The following EVC variants were observed in gnomAD, a reference collection of about 807,000 sequenced individuals.
EVC encodes EvC ciliary complex subunit 1.
Under a neutral mutation model 118.9 loss-of-function variants are expected in EVC, and 116 were observed. The observed-to-expected ratio is 0.98, with a 90% confidence interval of 0.84 to 1.14. EVC has a LOEUF of 1.14. EVC is among the 50% of genes most tolerant of loss of function. The probability of loss-of-function intolerance (pLI) is 0.00; values close to 1 mark genes in which losing one functional copy is unlikely to be tolerated. For synonymous variants in EVC, 619 were observed against 534.7 expected (o/e 1.16, Z -2.18); for missense variants, 1,401 against 1,246.4 (o/e 1.12, Z -1.87).
chr4:5,764,328 A>T (rs1462338396), intron 11 of EVC, among the ~76,000 whole-genome samples: 2 of 136,954 alleles, frequency 1.5e-5, no homozygotes, highest in East Asian at 2.2e-4. Context: ...GGATTTTTGC[A>T]TCAATGTTCA....
rs937783118 is a variant in EVC, at chr4:5,793,591, C to G, written c.1777-17C>G. 2.6e-6 allele frequency: 4 copies of G among 1,548,110 alleles called. No individual in the cohort carries two copies. The highest frequency in any genetic ancestry group is 1.4e-5 in the African/African-American group (1 of 72,976). On this transcript the variant is annotated splice_polypyrimidine_tract_variant and intron_variant, in intron 12 of 20. Coordinates refer to ENST00000264956, the MANE Select transcript of EVC (RefSeq NM_153717.3). ...GAGTAACCACATGCCTGCTCTGTCC[C>G]TCTGTCCCGAGTTCAGGTGTGGATG... is the stretch of plus-strand genomic sequence containing the variant.
chr4:5,819,908 C>G, the EVC span, among the ~76,000 whole-genome samples: 2,649 of 152,286 alleles, frequency 0.017, 35 homozygotes, highest in South Asian at 0.042. Flanking sequence ...GGTATCCACA[C>G]GAAGCCGAGG....
At chr4:5,796,225 A>G (rs777788501) in intron 13 of EVC, among the ~76,000 whole-genome samples, 15 of 151,838 alleles carry the variant, frequency 9.9e-5, no homozygotes, top group Non-Finnish European at 1.8e-4. Context: ...CATATTAATC[A>G]TAATTAGTGT....
chr4:5,792,034 G>A (rs2152320379), intron 12 of EVC, among the ~76,000 whole-genome samples: 1 of 152,290 alleles, frequency 6.6e-6, no homozygotes, highest in South Asian at 2.1e-4. Context: ...CAGAATATGT[G>A]ACTTCCAAGG....
At chr4:5,788,952 C>A (rs1712236248) in intron 12 of EVC, among the ~76,000 whole-genome samples, 1 of 152,232 alleles carries the variant, frequency 6.6e-6, no homozygotes, top group Non-Finnish European at 1.5e-5. Context: ...TGGCCCAAGT[C>A]AGTTCTTCCA....
rs5855888 is a variant in EVC, at chr4:5,756,205, G to GAA, written c.1465-45_1465-44dup. Reference sequence around the variant, plus strand: ...CAGGGGATGGTTGGAGAACCTTCTGGAAAAAAAAAAAAAAACCCTGCATGT... The same window carrying GAA: ...CAGGGGATGGTTGGAGAACCTTCTGGAAAAAAAAAAAAAAAAACCCTGCATGT... On this transcript the variant is annotated intron_variant, in intron 10 of 20. Transcript: ENST00000264956. This position sits in a 1 kb window ranked among gnomAD's most constrained non-coding sequence, Gnocchi z 4.2. 2,556 of 1,198,164 alleles carry GAA rather than the reference G, an allele frequency of 2.1e-3. No individual in the cohort carries two copies. The highest frequency in any genetic ancestry group is 2.5e-3 in the Non-Finnish European group (2,104 of 845,638). The allele number at this position is 1,198,164 out of a possible 1,614,324, so 74.2% of individuals were successfully genotyped here.
At chr4:5,785,952 G>T (rs1736352901) in intron 12 of EVC, among the ~76,000 whole-genome samples, 1 of 152,148 alleles carries the variant, frequency 6.6e-6, no homozygotes, top group African/African-American at 2.4e-5. Flanking sequence ...GAGCCTAATG[G>T]GCCTCTGAAG....
chr4:5,712,145 A>G (rs191043892), intron 1 of EVC, among the ~76,000 whole-genome samples: 1 of 152,358 alleles, frequency 6.6e-6, no homozygotes, highest in Non-Finnish European at 1.5e-5. Flanking sequence ...CAAGTAAACT[A>G]TCGGTTATGA....
Position 5,789,372 on chromosome 4 carries a change from CCTG to C in EVC, c.1777-4233_1777-4231del, listed in dbSNP as rs1712331739. On this transcript the variant is annotated intron_variant, in intron 12 of 20. Coordinates refer to ENST00000264956, the MANE Select transcript of EVC (RefSeq NM_153717.3). The surrounding 1 kb of genome is among the most constrained non-coding windows in gnomAD (Gnocchi z 4.3). ...TGGGCACGTTCCTGCCTTACTCTGT[CCTG>C]CTCCTGGTCTTTGCTCCATGTCACC... Among the ~76,000 whole-genome samples, 1 of 152,166 alleles carries C rather than the reference CCTG, an allele frequency of 6.6e-6. No individual in the cohort carries two copies. The highest frequency in any genetic ancestry group is 2.4e-5 in the African/African-American group (1 of 41,434).
At chr4:5,759,129 C>T (rs957025673) in intron 11 of EVC, among the ~76,000 whole-genome samples, 5 of 151,902 alleles carry the variant, frequency 3.3e-5, no homozygotes, top group African/African-American at 9.7e-5. Flanking sequence ...CTTGTTCATA[C>T]GTCACATGTC....
chr4:5,711,619 G>T, intron 1 of EVC, 65 bp downstream of exon 1: 1 of 1,117,386 alleles, frequency 8.9e-7, no homozygotes, highest in Non-Finnish European at 1.1e-6. Flanking sequence ...TGGGTCCTGC[G>T]GGCCCGGAGC....
chr4:5,750,142 A>G (rs183570443), intron 8 of EVC, among the ~76,000 whole-genome samples: 25 of 152,206 alleles, frequency 1.6e-4, no homozygotes, highest in Admixed American at 1.6e-3. Flanking sequence ...TGATCCACCT[A>G]AGATCCCCGT....
At chr4:5,825,957 T>C in the EVC span, 1 of 440,550 alleles carries the variant, frequency 2.3e-6, no homozygotes. This position sits in a 1 kb window ranked among gnomAD's most constrained non-coding sequence, Gnocchi z 4.4. Flanking sequence ...CATATATGCA[T>C]GCACATGCAG....
intron 12 of EVC, among the ~76,000 whole-genome samples, chr4:5,791,166 T>G (rs983186213): frequency 6.6e-6 from 1 of 152,200 alleles, no homozygotes; most frequent in Non-Finnish European, 1.5e-5. Flanking sequence ...AATAGCAGAT[T>G]AAATTGTGGC....
At chr4:5,821,757 C>T in the EVC span, 6 of 1,607,394 alleles carry the variant, frequency 3.7e-6, no homozygotes, top group East Asian at 2.2e-5. The surrounding 1 kb of genome is among the most constrained non-coding windows in gnomAD (Gnocchi z 4.4). Flanking sequence ...CGCGCATCCA[C>T]GTTCAACCGA....
rs1444005675 is a variant in EVC at position 5,783,667 on chromosome 4, A to T, written c.1679A>T (p.Glu560Val). 1 of 1,614,184 alleles carries T rather than the reference A, an allele frequency of 6.2e-7. No individual in the cohort carries two copies. The highest frequency in any genetic ancestry group is 1.7e-5 in the Admixed American group (1 of 60,022). The change falls in exon 12 of 21, where the codon GAA becomes GTA. Residue 560 changes from glutamate to valine, a missense_variant. Glu to Val is a moderately radical substitution (Grantham distance 121). Transcript: ENST00000264956. Reference protein sequence around the residue: ...PPEECDYLRQEVQENAAWQLG... With the variant: ...PPEECDYLRQVVQENAAWQLG... ...GAAGAGTGTGACTACTTGAGGCAGG[A>T]AGTCCAGGAGAACGCTGCCTGGCAG... is the stretch of plus-strand genomic sequence containing the variant.
At chr4:5,828,993 G>A in the EVC span, among the ~76,000 whole-genome samples, 1 of 151,966 alleles carries the variant, frequency 6.6e-6, no homozygotes, top group Non-Finnish European at 1.5e-5. Context: ...TAAGTAAAAT[G>A]TTCTTCATTT....
At chr4:5,786,046 TG>T (rs1416263815) in intron 12 of EVC, among the ~76,000 whole-genome samples, 1 of 152,154 alleles carries the variant, frequency 6.6e-6, no homozygotes, top group Non-Finnish European at 1.5e-5. Flanking sequence ...GCCTAAGATA[TG>T]GGTTTGAGCC....
At chr4:5,717,025 C>T (rs1210144657) in intron 1 of EVC, among the ~76,000 whole-genome samples, 3 of 152,152 alleles carry the variant, frequency 2.0e-5, no homozygotes, top group Non-Finnish European at 2.9e-5. Context: ...TCCTTTTGAT[C>T]GAGAATCATT....
Sources: allele counts gnomAD v4.1 joint callset (sites outside exome capture counted in the v4.1 genomes callset), GRCh38; gene constraint gnomAD v4.1.1; non-coding constraint Gnocchi (gnomAD v3.1); transcripts MANE v1.5; gene names NCBI Gene and HGNC (gene_info 2026-07-23, HGNC 2026-07-21).